The following SECISBP2L variants were observed in gnomAD, a reference collection of about 807,000 sequenced individuals.
The protein encoded by SECISBP2L is SECIS binding protein 2 like, also known as selenocysteine insertion sequence-binding protein 2-like.
Under a neutral mutation model 114.7 loss-of-function variants are expected in SECISBP2L, and 43 were observed. The ratio of observed to expected loss-of-function variants is 0.38; its 90% CI spans 0.29 to 0.48. SECISBP2L has a LOEUF of 0.48. SECISBP2L is among the 20% of genes least tolerant of loss of function. The pLI, the probability that SECISBP2L is intolerant of heterozygous loss-of-function variation, is 0.98. For missense variants in SECISBP2L, 1,136 were observed against 1,301.1 expected (o/e 0.87, Z 1.95); for synonymous variants, 451 against 439.7 (o/e 1.03, Z -0.32).
chr15:49,021,344 G>A (rs1365244194), intron 7 of SECISBP2L, among the ~76,000 whole-genome samples: 1 of 151,928 alleles, frequency 6.6e-6, no homozygotes, highest in Non-Finnish European at 1.5e-5. Context: ...TCCCATTAAC[G>A]AATATGCAAA....
chr15:48,991,973 T>C lies in SECISBP2L; in HGVS notation c.*271A>G. 1 of 307,682 alleles carries C rather than the reference T, an allele frequency of 3.3e-6. No homozygotes were observed. The highest frequency in any genetic ancestry group is 6.0e-6 in the Non-Finnish European group (1 of 168,056). 19.1% of individuals were successfully genotyped at this position (307,682 alleles called of 1,614,324 possible). A position where few individuals can be genotyped will look rare whatever the true frequency, so the allele number is the denominator to read the frequency against. On this transcript the variant is annotated 3_prime_UTR_variant, in exon 18 of 18. Transcript: ENST00000559471. ...TTTAAGTAAGCATTTGAAATTTATT[T>C]TCTTTAAGATCTGGTCTTCTTTTTA...
rs752322095 is a variant in SECISBP2L at position 49,012,665 on chromosome 15, G to T, written c.1714C>A (p.Pro572Thr). Residue 572 changes from proline to threonine, a missense_variant, in exon 12 of 18, where the codon CCC (proline) becomes ACC (threonine). Transcript: ENST00000559471. Reference protein sequence around the residue: ...KEKEIAKLKRPTALKKVILKE... With the variant: ...KEKEIAKLKRTTALKKVILKE... ...TGGTTTACCTTTTTAAGTGCTGTGG[G>T]TCGTTTTAGTTTTGCAATTTCCTTC... 6.2e-7 allele frequency: 1 copy of T among 1,613,128 alleles called. No individual in the cohort carries two copies. Among genetic ancestry groups the T allele is most frequent in the East Asian group, 2.2e-5 (1 of 44,812 alleles).
intron 9 of SECISBP2L, 37 bp from the exon 10 acceptor site, chr15:49,017,052 C>G: frequency 6.3e-7 from 1 of 1,591,918 alleles, no homozygotes; most frequent in Non-Finnish European, 8.6e-7. Context: ...GTTAGTGATC[C>G]CATAAAAGTC....
intron 14 of SECISBP2L, 84 bp downstream of exon 14, chr15:49,009,132 C>A: frequency 7.1e-7 from 1 of 1,415,174 alleles, no homozygotes; most frequent in Non-Finnish European, 9.7e-7. Context: ...GCTTGACTCA[C>A]TGAGTAACAA....
chr15:49,026,187 T>C (rs1248667442), intron 7 of SECISBP2L, among the ~76,000 whole-genome samples: 1 of 151,914 alleles, frequency 6.6e-6, no homozygotes, highest in Non-Finnish European at 1.5e-5. Flanking sequence ...ATCTTACAAG[T>C]AGAGAGTAGA....
chr15:49,046,312 C>A lies in SECISBP2L; in HGVS notation c.-13G>T, dbSNP rs1447162702. 1 of 1,544,528 alleles carries A rather than the reference C, an allele frequency of 6.5e-7. No individual in the cohort carries two copies. The highest frequency in any genetic ancestry group is 8.7e-7 in the Non-Finnish European group (1 of 1,145,866). On this transcript the variant is annotated 5_prime_UTR_variant, in exon 1 of 18. Coordinates refer to ENST00000559471, the MANE Select transcript of SECISBP2L (RefSeq NM_001193489.2). ...GGGCTCGGTCCATGGTGCCTGCAGC[C>A]GCAACGGGCCCGCGCTAGTCGGTGT...
chr15:48,995,728 T>C (rs891212149), intron 17 of SECISBP2L, among the ~76,000 whole-genome samples: 7 of 152,168 alleles, frequency 4.6e-5, no homozygotes, highest in African/African-American at 1.7e-4. Flanking sequence ...AGATGTAGAC[T>C]TCAATAAATA....
Position 49,033,060 on chromosome 15 carries a change from A to G in SECISBP2L, c.569T>C (p.Leu190Pro). The G allele has an allele frequency of 6.2e-7, 1 of 1,614,132 alleles. No individual in the cohort carries two copies. The highest frequency in any genetic ancestry group is 8.5e-7 in the Non-Finnish European group (1 of 1,180,002). Reference protein sequence around the residue: ...LQQHIKSKRPLVKNVATQKET... With the variant: ...LQQHIKSKRPPVKNVATQKET... ...TTTCTGAGTAGCTACATTTTTCACC[A>G]GCGGCCTTTTGCTTTTTATGTGCTG... The change falls in exon 4 of 18, where the codon CTG becomes CCG. Residue 190 changes from leucine (L) to proline (P), a missense_variant. Physicochemically the swap from Leu to Pro is moderately conservative, Grantham distance 98. Transcript: ENST00000559471.
At position 48,988,748 on chromosome 15, in the gene SECISBP2L, C is replaced by G. The variant is rs1257120020; in HGVS notation, c.*3496G>C. 1.3e-5 allele frequency: 4 copies of G among 315,146 alleles called. No homozygotes were observed. The highest frequency in any genetic ancestry group is 8.6e-5 in the African/African-American group (4 of 46,372). The allele number at this position is 315,146 out of a possible 1,614,324, so 19.5% of individuals were successfully genotyped here. ...TGTGATATAACAATTATCCTTCATA[C>G]AGCAAAAGATGAAAATCCCTTCATG... On this transcript the variant is annotated 3_prime_UTR_variant, in exon 18 of 18. Coordinates refer to ENST00000559471, the MANE Select transcript of SECISBP2L (RefSeq NM_001193489.2).
intron 8 of SECISBP2L, among the ~76,000 whole-genome samples, chr15:49,018,196 A>G (rs1902573853): frequency 6.6e-6 from 1 of 152,176 alleles, no homozygotes; most frequent in Non-Finnish European, 1.5e-5. Context: ...TTGAGAAAAT[A>G]ATTGAGATAT....
intron 14 of SECISBP2L, chr15:49,001,610 C>T (rs1290072959): frequency 1.3e-5 from 2 of 152,786 alleles, no homozygotes; most frequent in African/African-American, 4.8e-5. Flanking sequence ...GCTATCCCTC[C>T]CCTAGCCTCC....
intron 17 of SECISBP2L, among the ~76,000 whole-genome samples, chr15:48,994,012 T>TG: frequency 6.6e-6 from 1 of 152,252 alleles, no homozygotes; most frequent in East Asian, 1.9e-4. Flanking sequence ...GAACATGTTT[T>TG]GGGCACTTCA....
chr15:49,000,223 T>C (rs942631535), intron 15 of SECISBP2L, among the ~76,000 whole-genome samples: 12 of 152,304 alleles, frequency 7.9e-5, no homozygotes, highest in African/African-American at 2.6e-4. Context: ...TCTTTCTCCA[T>C]AGGGATTAGC....
Position 49,011,754 on chromosome 15 carries a change from G to A in SECISBP2L, c.1841C>T (p.Pro614Leu). The change falls in exon 13 of 18, where the codon CCA becomes CTA. Residue 614 changes from proline (P) to leucine (L), a missense_variant. This residue lies in a region of SECISBP2L where 684 missense variants were observed against 848.7 expected (regional missense o/e 0.81). Coordinates refer to ENST00000559471, the MANE Select transcript of SECISBP2L (RefSeq NM_001193489.2). The stretch of plus-strand genomic sequence containing the variant: ...ACCTTCCTGGGAAACAATCTCCTGT[G>A]GCAAGTCATCAATAAAATCTAAGTG... ...EMHLDFIDDLPQEIVSQEDTG... is the reference protein window; with the variant it reads ...EMHLDFIDDLLQEIVSQEDTG... The A allele has an allele frequency of 6.2e-7, 1 of 1,614,002 alleles. No homozygotes were observed. The highest frequency in any genetic ancestry group is 8.5e-7 in the Non-Finnish European group (1 of 1,179,932).
intron 7 of SECISBP2L, among the ~76,000 whole-genome samples, chr15:49,021,678 C>T (rs539562127): frequency 3.9e-5 from 6 of 152,254 alleles, no homozygotes; most frequent in East Asian, 1.9e-4. Context: ...TATGTATTAA[C>T]GGTGTTACAA....
rs1374836963 is a variant in SECISBP2L at position 48,989,943 on chromosome 15, A to G, written c.*2301T>C. On this transcript the variant is annotated 3_prime_UTR_variant, in exon 18 of 18. Coordinates refer to ENST00000559471, the MANE Select transcript of SECISBP2L (RefSeq NM_001193489.2). ...TATTTAAGCATGCTCTCAAAATGGT[A>G]ACATTTCCTTTAATAATTCTTGGGT... is the stretch of plus-strand genomic sequence containing the variant. 1.3e-5 allele frequency: 2 copies of G among 152,816 alleles called. No individual in the cohort carries two copies. The highest frequency in any genetic ancestry group is 6.5e-5 in the Admixed American group (1 of 15,304). The allele number at this position is 152,816 out of a possible 1,614,324, so 9.5% of individuals were successfully genotyped here.
intron 14 of SECISBP2L, among the ~76,000 whole-genome samples, chr15:49,004,711 G>C (rs1595784044): frequency 6.6e-6 from 1 of 152,310 alleles, no homozygotes; most frequent in East Asian, 1.9e-4. Flanking sequence ...TTCAGGAACA[G>C]GTTGCTCAGT....
chr15:49,040,678 G>GGCGCCCACCATC (rs1174664573), intron 1 of SECISBP2L, among the ~76,000 whole-genome samples: 1 of 150,926 alleles, frequency 6.6e-6, no homozygotes, highest in Non-Finnish European at 1.5e-5. Flanking sequence ...TGGGACTACA[G>GGCGCCCACCATC]GCGCCCACCA....
chr15:49,028,560 C>A lies in SECISBP2L; in HGVS notation c.787G>T (p.Ala263Ser). The change falls in exon 5 of 18, where the codon GCT becomes TCT. Residue 263 changes from alanine to serine, a missense_variant. Ala to Ser is a moderately conservative substitution (Grantham distance 99, BLOSUM62 1). This residue lies in a region of SECISBP2L where 452 missense variants were observed against 452.3 expected (regional missense o/e 1.00). Coordinates refer to ENST00000559471, the MANE Select transcript of SECISBP2L (RefSeq NM_001193489.2). Reference protein sequence around the residue: ...PTAESSSEQGASEADIDSDSG... With the variant: ...PTAESSSEQGSSEADIDSDSG... The stretch of plus-strand genomic sequence containing the variant: ...TCACTGTCAATGTCGGCTTCACTAG[C>A]CCCCTGCTCACTAGAAGATTCAGCA... 4 of 1,614,112 alleles carry A rather than the reference C, an allele frequency of 2.5e-6. No homozygotes were observed. The highest frequency in any genetic ancestry group is 3.4e-6 in the Non-Finnish European group (4 of 1,180,006).
Sources: gnomAD v4.1 joint callset for allele counts (sites outside exome capture counted in the v4.1 genomes callset) on GRCh38, gnomAD v4.1.1 for gene constraint, gnomAD v4.1.1 regional missense constraint, MANE v1.5 for transcripts, NCBI Gene and HGNC (gene_info 2026-07-23, HGNC 2026-07-21) for gene names.